Variants in PAX7 observed in about 807,000 individuals in gnomAD.
The protein encoded by PAX7 is paired box 7.
In PAX7, 18 loss-of-function variants were observed where a neutral mutation model predicts 50.7. The observed-to-expected ratio is 0.36, with a 90% CI of 0.25 to 0.53. The LOEUF (loss-of-function observed/expected upper bound fraction) is 0.53. PAX7 is among the 20% of genes least tolerant of loss of function. The pLI is 0.93. For missense variants in PAX7, 644 were observed against 702.9 expected, an observed-to-expected ratio of 0.92 and a Z score of 0.95; for synonymous variants, 310 against 290.4, an observed-to-expected ratio of 1.07 and a Z score of -0.69.
At chr1:18,644,261 G>T (rs1168381880) in intron 4 of PAX7, among the ~76,000 whole-genome samples, 1 of 152,220 alleles carries the variant, frequency 6.6e-6, no homozygotes. Flanking sequence ...AGGTGTGCCA[G>T]GCTGGAGCAA....
At chr1:18,677,365 G>A (rs11589342) in intron 4 of PAX7, among the ~76,000 whole-genome samples, 203 of 152,270 alleles carry the variant, frequency 1.3e-3, no homozygotes, top group African/African-American at 4.5e-3. Context: ...CAGGACCGGC[G>A]CACAGCAGAC....
chr1:18,667,584 GA>G (rs1158749916), intron 4 of PAX7, among the ~76,000 whole-genome samples: 7 of 152,122 alleles, frequency 4.6e-5, no homozygotes, highest in Non-Finnish European at 1.0e-4. Context: ...GGATGCGGTG[GA>G]GGGATTGAGA....
At chr1:18,722,254 G>A (rs2089503816) in intron 7 of PAX7, among the ~76,000 whole-genome samples, 1 of 152,016 alleles carries the variant, frequency 6.6e-6, no homozygotes, top group African/African-American at 2.4e-5. Context: ...GGTGCATGCA[G>A]TATAGGATAA....
At chr1:18,736,897 T>C (rs1039518036) in intron 8 of PAX7, among the ~76,000 whole-genome samples, 4 of 152,262 alleles carry the variant, frequency 2.6e-5, no homozygotes, top group African/African-American at 4.8e-5. Context: ...CATGTGCTGC[T>C]GGTGGCCACT....
At chr1:18,688,489 C>T (rs2089009801) in intron 4 of PAX7, among the ~76,000 whole-genome samples, 1 of 152,208 alleles carries the variant, frequency 6.6e-6, no homozygotes, top group African/African-American at 2.4e-5. Context: ...TTCAGGTGCT[C>T]AAAACCCCAT....
chr1:18,726,013 CGT>C lies in PAX7; in HGVS notation c.1156-9611_1156-9610del, dbSNP rs1227811164. On this transcript the variant is annotated intron_variant, in intron 7 of 8. Coordinates refer to ENST00000420770, the MANE Select transcript of PAX7 (RefSeq NM_001135254.2). The surrounding 1 kb of genome is among the most constrained non-coding windows in gnomAD (Gnocchi z 4.8). ...GTGTGTGCGCGCGCGCGCGTGCGCG[CGT>C]GTGTGTGCGTGTGTTTGTGTGTGTG... Among the ~76,000 whole-genome samples, 2 of 147,760 alleles carry C rather than the reference CGT, an allele frequency of 1.4e-5. No homozygotes were observed. The highest frequency in any genetic ancestry group is 5.0e-5 in the African/African-American group (2 of 39,726).
Position 18,700,745 on chromosome 1 carries a change from A to G in PAX7, c.879A>G (p.Pro293=), listed in dbSNP as rs2743201. 479,029 of 1,594,318 alleles carry G rather than the reference A, an allele frequency of 0.3. 80,183 individuals are homozygous for G. Among genetic ancestry groups the G allele is most frequent in the African/African-American group, 0.59 (43,610 of 73,462 alleles). ...ACCACCTTCTGCCAGGAGGCTTCCC[A>G]CCCACCGGCATGCCCACGCTGCCCC... ...AFNHLLPGGF[P]PTGMPTLPPY... is the part of the protein sequence containing the mutation. Residue 293 remains proline, a synonymous_variant, in exon 6 of 9, where the codon CCA becomes CCG. Coordinates refer to ENST00000420770, the MANE Select transcript of PAX7 (RefSeq NM_001135254.2). The surrounding 1 kb of genome is among the most constrained non-coding windows in gnomAD (Gnocchi z 4.8).
chr1:18,718,214 G>A (rs2089451334), intron 7 of PAX7, among the ~76,000 whole-genome samples: 1 of 152,216 alleles, frequency 6.6e-6, no homozygotes, highest in African/African-American at 2.4e-5. Flanking sequence ...TTCACTCAGA[G>A]CTGGCCAGGG....
intron 4 of PAX7, among the ~76,000 whole-genome samples, chr1:18,648,209 C>G (rs975874937): frequency 3.3e-5 from 5 of 152,042 alleles, no homozygotes; most frequent in Non-Finnish European, 5.9e-5. Context: ...CAGTCACCTC[C>G]CCTCCCCAAC....
intron 3 of PAX7, among the ~76,000 whole-genome samples, chr1:18,635,790 G>A (rs995293682): frequency 1.1e-4 from 16 of 152,036 alleles, no homozygotes; most frequent in Non-Finnish European, 2.9e-5. Flanking sequence ...GCCTGTGAGA[G>A]AGAAAGTGAT....
chr1:18,634,230 G>C lies in PAX7; in HGVS notation c.86-73G>C. The C allele has an allele frequency of 4.1e-6, 5 of 1,227,176 alleles. No individual in the cohort carries two copies. The highest frequency in any genetic ancestry group is 4.6e-6 in the Non-Finnish European group (4 of 862,484). 76.0% of individuals were successfully genotyped at this position (1,227,176 alleles called of 1,614,324 possible). A position where few individuals can be genotyped will look rare whatever the true frequency, so the allele number is the denominator to read the frequency against. On this transcript the variant is annotated intron_variant, in intron 1 of 8. Coordinates refer to ENST00000420770, the MANE Select transcript of PAX7 (RefSeq NM_001135254.2). This position sits in a 1 kb window ranked among gnomAD's most constrained non-coding sequence, Gnocchi z 4.0. ...TCAAACAAACAAAACTGGAGTCAGG[G>C]AGTGTACTCAGTGTCTGCTCTCCAT...
At chr1:18,662,729 C>A (rs143117281) in intron 4 of PAX7, among the ~76,000 whole-genome samples, 1 of 152,206 alleles carries the variant, frequency 6.6e-6, no homozygotes, top group East Asian at 1.9e-4. Flanking sequence ...CGCCATCATG[C>A]TCAGTTAAAT....
intron 4 of PAX7, among the ~76,000 whole-genome samples, chr1:18,662,564 G>GTTTGTTTTGT (rs142025504): frequency 6.6e-6 from 1 of 151,864 alleles, no homozygotes; most frequent in Non-Finnish European, 1.5e-5. Context: ...TTGTTTGTTT[G>GTTTGTTTTGT]TTTGTTTTGT....
rs988838790 is a variant in PAX7 at position 18,641,002 on chromosome 1, G to C, written c.586+4631G>C. ...CCTCCATCCCCCCAACCGAAGAAGAGAGAGGGGGAGGCGGGAGCAGAGACT... is the reference window on the plus strand; with the variant it reads ...CCTCCATCCCCCCAACCGAAGAAGACAGAGGGGGAGGCGGGAGCAGAGACT... On this transcript the variant is annotated intron_variant, in intron 4 of 8. Transcript: ENST00000420770. Among the ~76,000 whole-genome samples the C allele has an allele frequency of 1.3e-4, 20 of 152,256 alleles. 1 individual carries two copies. Among genetic ancestry groups the C allele is most frequent in the African/African-American group, 4.8e-4 (20 of 41,472 alleles).
intron 7 of PAX7, among the ~76,000 whole-genome samples, chr1:18,715,293 G>T (rs1231585991): frequency 6.6e-6 from 1 of 152,270 alleles, no homozygotes; most frequent in East Asian, 1.9e-4. Context: ...TCCCTGTGCA[G>T]TTACCACATT....
chr1:18,739,911 C>A (rs558776862), intron 8 of PAX7, among the ~76,000 whole-genome samples: 3 of 152,230 alleles, frequency 2.0e-5, no homozygotes, highest in Admixed American at 6.5e-5. Context: ...GCTGATAGAA[C>A]GCTGAAGTGT....
At chr1:18,656,842 A>G (rs1487751058) in intron 4 of PAX7, among the ~76,000 whole-genome samples, 2 of 151,962 alleles carry the variant, frequency 1.3e-5, no homozygotes, top group South Asian at 2.1e-4. Context: ...AAATAAAAAA[A>G]TTAGCCGGGC....
Position 18,691,737 on chromosome 1 carries a change from C to G in PAX7, c.587-17C>G, listed in dbSNP as rs1207153871. Reference sequence around the variant, plus strand: ...CTCTAAGCCCCTGCCTTCTCCCTCCCTCTCCTCCGGCTGTAGGGAACCGGC... The same window carrying G: ...CTCTAAGCCCCTGCCTTCTCCCTCCGTCTCCTCCGGCTGTAGGGAACCGGC... On this transcript the variant is annotated splice_polypyrimidine_tract_variant and intron_variant, in intron 4 of 8. Transcript: ENST00000420770. 1.3e-6 allele frequency: 2 copies of G among 1,556,568 alleles called. No individual in the cohort carries two copies. The highest frequency in any genetic ancestry group is 1.7e-6 in the Non-Finnish European group (2 of 1,149,914).
intron 7 of PAX7, among the ~76,000 whole-genome samples, chr1:18,708,351 T>TC (rs1323137175): frequency 1.3e-5 from 2 of 151,776 alleles, no homozygotes; most frequent in Non-Finnish European, 2.9e-5. Flanking sequence ...AGGTCAGAGT[T>TC]CAAGACCAGC....
Sources: allele counts gnomAD v4.1 joint callset (sites outside exome capture counted in the v4.1 genomes callset), GRCh38; gene constraint gnomAD v4.1.1; non-coding constraint Gnocchi (gnomAD v3.1); transcripts MANE v1.5; gene names NCBI Gene and HGNC (gene_info 2026-07-23, HGNC 2026-07-21).